The following SC5D variants were observed in gnomAD, a reference collection of about 807,000 sequenced individuals.
SC5D encodes lathosterol oxidase.
A neutral mutation model predicts 23.9 loss-of-function variants in SC5D; 21 were observed. That is an observed-to-expected ratio of 0.88 (90% CI 0.62 to 1.26). The LOEUF (loss-of-function observed/expected upper bound fraction) is 1.26. Among genes scored for constraint, SC5D ranks in the 50% most tolerant of loss-of-function variants. SC5D has a pLI of 0.00. For missense variants in SC5D, 309 were observed against 364.8 expected, an observed-to-expected ratio of 0.85 and a Z score of 1.25; for synonymous variants, 113 against 125.9, an observed-to-expected ratio of 0.90 and a Z score of 0.68.
Position 121,310,621 on chromosome 11 carries a change from C to G in SC5D, c.*3109C>G, listed in dbSNP as rs979470974. ...TACAGGTGCCCGCCACCACCACGCC[C>G]GGCTAATTTTTTATATTTTTAGTAG... On this transcript the variant is annotated 3_prime_UTR_variant, in exon 5 of 5. Transcript: ENST00000264027. Among the ~76,000 whole-genome samples, 1 of 152,066 alleles carries G rather than the reference C, an allele frequency of 6.6e-6. No individual in the cohort carries two copies. The highest frequency in any genetic ancestry group is 1.5e-5 in the Non-Finnish European group (1 of 67,996).
chr11:121,298,644 C>A (rs1303831349), intron 1 of SC5D, among the ~76,000 whole-genome samples: 1 of 152,128 alleles, frequency 6.6e-6, no homozygotes, highest in Non-Finnish European at 1.5e-5. Flanking sequence ...GAACATTAAT[C>A]CTGATGCTTC....
chr11:121,294,222 A>G (rs1325412857), intron 1 of SC5D, among the ~76,000 whole-genome samples: 2 of 152,170 alleles, frequency 1.3e-5, no homozygotes, highest in Non-Finnish European at 2.9e-5. Context: ...GTGGTACTTA[A>G]TTTAGGGTCC....
rs1447369570 is a variant in SC5D at position 121,311,179 on chromosome 11, A to G, written c.*3667A>G. On this transcript the variant is annotated 3_prime_UTR_variant, in exon 5 of 5. Coordinates refer to ENST00000264027, the MANE Select transcript of SC5D (RefSeq NM_006918.5). ...ATGCCCAAGCCATGGTTAAAGTTCA[A>G]TAAATACTTTGTTGAATTTATTAAT... Among the ~76,000 whole-genome samples the G allele has an allele frequency of 6.6e-6, 1 of 152,222 alleles. No individual in the cohort carries two copies. The highest frequency in any genetic ancestry group is 1.5e-5 in the Non-Finnish European group (1 of 68,032).
intron 1 of SC5D, among the ~76,000 whole-genome samples, chr11:121,302,339 A>G (rs764672109): frequency 6.6e-6 from 1 of 152,220 alleles, no homozygotes; most frequent in African/African-American, 2.4e-5. Flanking sequence ...TAGATGCTGA[A>G]CACGTTTTCT....
intron 4 of SC5D, 74 bp downstream of exon 4, chr11:121,306,560 T>C (rs1455072180): frequency 3.7e-6 from 3 of 808,072 alleles, no homozygotes; most frequent in Non-Finnish European, 6.5e-6. Context: ...TTCTGTTCTC[T>C]ATTTCCAAGA....
intron 2 of SC5D, 54 bp downstream of exon 2, chr11:121,303,639 A>G (rs756234675): frequency 1.4e-6 from 2 of 1,405,916 alleles, no homozygotes; most frequent in Non-Finnish European, 2.0e-6. Flanking sequence ...TAACAATATG[A>G]TATATTTCTG....
At position 121,308,287 on chromosome 11, in the gene SC5D, T is replaced by A. The variant is rs1247045711; in HGVS notation, c.*775T>A. 1 of 152,256 alleles carries A rather than the reference T, an allele frequency of 6.6e-6. No homozygotes were observed. The highest frequency in any genetic ancestry group is 1.5e-5 in the Non-Finnish European group (1 of 68,046). The allele number at this position is 152,256 out of a possible 1,614,324, so 9.4% of individuals were successfully genotyped here. A position where few individuals can be genotyped will look rare whatever the true frequency, so the allele number is the denominator to read the frequency against. Reference sequence around the variant, plus strand: ...TTTAATAAGAGTAAAAATATGTGAATCTGGATATATTTAAAAAAAGAAATT... The same window carrying A: ...TTTAATAAGAGTAAAAATATGTGAAACTGGATATATTTAAAAAAAGAAATT... On this transcript the variant is annotated 3_prime_UTR_variant, in exon 5 of 5. Coordinates refer to ENST00000264027, the MANE Select transcript of SC5D (RefSeq NM_006918.5).
intron 1 of SC5D, 116 bp downstream of exon 1, chr11:121,292,932 A>G (rs1947861652): frequency 6.6e-6 from 1 of 151,978 alleles, no homozygotes; most frequent in African/African-American, 2.4e-5. Flanking sequence ...CGGGTGGGCG[A>G]GGCGGAAGGT....
At chr11:121,301,092 A>C (rs73592756) in intron 1 of SC5D, among the ~76,000 whole-genome samples, 2,986 of 152,300 alleles carry the variant, frequency 0.02, 113 homozygotes, top group African/African-American at 0.066. Flanking sequence ...ATTAAAAAAC[A>C]CAAACAGGAA....
rs1947989500 is a variant in SC5D at position 121,309,041 on chromosome 11, A to G, written c.*1529A>G. Among the ~76,000 whole-genome samples, 1 of 152,252 alleles carries G rather than the reference A, an allele frequency of 6.6e-6. No individual in the cohort carries two copies. Among genetic ancestry groups the G allele is most frequent in the African/African-American group, 2.4e-5 (1 of 41,466 alleles). On this transcript the variant is annotated 3_prime_UTR_variant, in exon 5 of 5. Coordinates refer to ENST00000264027, the MANE Select transcript of SC5D (RefSeq NM_006918.5). ...AAGGAGAAGTAAACTTTATTTCCTA[A>G]TATAATGTCAGCTGATATTTATTGA...
intron 1 of SC5D, among the ~76,000 whole-genome samples, chr11:121,296,070 C>T (rs1039135062): frequency 2.0e-5 from 3 of 152,198 alleles, no homozygotes; most frequent in East Asian, 1.9e-4. Flanking sequence ...GGAGTCTTGC[C>T]GTGTTGCCCA....
intron 1 of SC5D, among the ~76,000 whole-genome samples, chr11:121,293,524 T>TA (rs1015628995): frequency 2.0e-5 from 3 of 152,116 alleles, no homozygotes; most frequent in African/African-American, 7.2e-5. Context: ...TTTTGCATCA[T>TA]AAAAGGAAAA....
rs1259493840 is a variant in SC5D, at chr11:121,312,446, ATATTT to A, written c.*4939_*4943del. Among the ~76,000 whole-genome samples the A allele has an allele frequency of 2.6e-5, 4 of 152,190 alleles. No homozygotes were observed. Among genetic ancestry groups the A allele is most frequent in the Non-Finnish European group, 5.9e-5 (4 of 68,012 alleles). On this transcript the variant is annotated 3_prime_UTR_variant, in exon 5 of 5. Coordinates refer to ENST00000264027, the MANE Select transcript of SC5D (RefSeq NM_006918.5). ...ATCCTGAACATTTAATACCATTTAC[ATATTT>A]TATTAATCACATTTTCTTAAACATT...
At position 121,308,244 on chromosome 11, in the gene SC5D, T is replaced by G. The variant is rs987776122; in HGVS notation, c.*732T>G. 1 of 152,246 alleles carries G rather than the reference T, an allele frequency of 6.6e-6. No homozygotes were observed. The highest frequency in any genetic ancestry group is 1.5e-5 in the Non-Finnish European group (1 of 68,038). 9.4% of individuals were successfully genotyped at this position (152,246 alleles called of 1,614,324 possible). ...TTATGTAGCTAAACATTGTGATGAT[T>G]ATTATTTAAAACCATTATTTAATAA... On this transcript the variant is annotated 3_prime_UTR_variant, in exon 5 of 5. Transcript: ENST00000264027.
chr11:121,293,848 A>C (rs1220445200), intron 1 of SC5D, among the ~76,000 whole-genome samples: 1 of 152,208 alleles, frequency 6.6e-6, no homozygotes, highest in African/African-American at 2.4e-5. Flanking sequence ...ACATCTTGAG[A>C]GATAACATAA....
intron 1 of SC5D, among the ~76,000 whole-genome samples, chr11:121,302,570 C>A (rs887550855): frequency 1.3e-5 from 2 of 152,088 alleles, no homozygotes; most frequent in African/African-American, 4.8e-5. Flanking sequence ...TAGTAAATGC[C>A]TTCGGTTCAA....
chr11:121,304,444 G>C lies in SC5D; in HGVS notation c.294G>C (p.Glu98Asp), dbSNP rs367613150. Residue 98 changes from glutamate (E) to aspartate (D), a missense_variant, in exon 3 of 5, where the codon GAG (glutamate) becomes GAC (aspartate). Transcript: ENST00000264027. ...TTACTGTTGCACTGTTCTTGCTGGA[G>C]ATAAGAGGTTACAGCAAATTACATG... ...SILTVALFLL[E>D]IRGYSKLHDD... 5 of 1,612,506 alleles carry C rather than the reference G, an allele frequency of 3.1e-6. No homozygotes were observed. Among genetic ancestry groups the C allele is most frequent in the African/African-American group, 1.3e-5 (1 of 75,006 alleles).
rs532871693 is a variant in SC5D, at chr11:121,309,986, A to G, written c.*2474A>G. Reference sequence around the variant, plus strand: ...CACAGAGACTGAGTCTTTGTCTTCCATGCTGTCTCTGCAGTACTGAGTGAA... The same window carrying G: ...CACAGAGACTGAGTCTTTGTCTTCCGTGCTGTCTCTGCAGTACTGAGTGAA... On this transcript the variant is annotated 3_prime_UTR_variant, in exon 5 of 5. Transcript: ENST00000264027. 4.6e-5 allele frequency among the ~76,000 whole-genome samples: 7 copies of G among 152,328 alleles called. No homozygotes were observed. The South Asian group carries it at 1.5e-3, about 32-fold the overall frequency.
At position 121,308,724 on chromosome 11, in the gene SC5D, T is replaced by C. The variant is rs1027326392; in HGVS notation, c.*1212T>C. The C allele has an allele frequency of 1.3e-5, 2 of 152,666 alleles. No homozygotes were observed. Among genetic ancestry groups the C allele is most frequent in the African/African-American group, 4.8e-5 (2 of 41,458 alleles). 9.5% of individuals were successfully genotyped at this position (152,666 alleles called of 1,614,324 possible). On this transcript the variant is annotated 3_prime_UTR_variant, in exon 5 of 5. Coordinates refer to ENST00000264027, the MANE Select transcript of SC5D (RefSeq NM_006918.5). ...CCACAGAAATGATGTGGATTGTTAA[T>C]TGTGTTTTAGAACATCCCCGGACAC... is the stretch of plus-strand genomic sequence containing the variant.
Sources: gnomAD v4.1 joint callset for allele counts (sites outside exome capture counted in the v4.1 genomes callset) on GRCh38, gnomAD v4.1.1 for gene constraint, MANE v1.5 for transcripts, NCBI Gene and HGNC (gene_info 2026-07-23, HGNC 2026-07-21) for gene names.